The following LRRIQ4 variants were observed in gnomAD, a reference collection of about 807,000 sequenced individuals.
LRRIQ4 encodes leucine-rich repeat and IQ domain-containing protein 4.
LRRIQ4 carries 21 observed loss-of-function variants against 40.1 expected under a neutral mutation model. That is an observed-to-expected ratio of 0.52 (90% CI 0.37 to 0.75). The LOEUF (loss-of-function observed/expected upper bound fraction) is 0.75. Among genes scored for constraint, LRRIQ4 ranks in the 30% least tolerant of loss-of-function variants. The probability of loss-of-function intolerance (pLI) is 0.00; values close to 1 mark genes in which losing one functional copy is unlikely to be tolerated. For synonymous variants in LRRIQ4, 277 were observed against 277.1 expected, an observed-to-expected ratio of 1.00 and a Z score of 0.00; for missense variants, 655 against 660.0, an observed-to-expected ratio of 0.99 and a Z score of 0.08.
At position 169,821,427 on chromosome 3, in the gene LRRIQ4, T is replaced by C. The variant is rs146215915; in HGVS notation, c.-31-464T>C. Among the ~76,000 whole-genome samples the C allele has an allele frequency of 6.9e-3, 1,052 of 151,428 alleles. 7 individuals are homozygous for C. The highest frequency in any genetic ancestry group is 0.02 in the Middle Eastern group (6 of 294). ...AGGCGGGTGGACCTGAGGTCGGGAG[T>C]TTGAGACCAGCCTGGCCAACATGGT... On this transcript the variant is annotated intron_variant, in intron 1 of 5. Transcript: ENST00000340806.
chr3:169,813,492 G>A (rs1228229564), intron 1 of LRRIQ4, among the ~76,000 whole-genome samples: 1 of 152,170 alleles, frequency 6.6e-6, no homozygotes, highest in Non-Finnish European at 1.5e-5. Flanking sequence ...GCATGCGATG[G>A]TGAGGCAGGA....
chr3:169,813,238 A>T (rs1779672022), intron 1 of LRRIQ4, among the ~76,000 whole-genome samples, 192 bp downstream of exon 1: 1 of 152,238 alleles, frequency 6.6e-6, no homozygotes, highest in South Asian at 2.1e-4. Context: ...GATCAGTCTC[A>T]AATCTGTCTC....
intron 5 of LRRIQ4, among the ~76,000 whole-genome samples, chr3:169,834,108 TC>T (rs1185463208): frequency 6.6e-6 from 1 of 152,216 alleles, no homozygotes; most frequent in Non-Finnish European, 1.5e-5. Context: ...TCGCCTGTAA[TC>T]CCAGCACTTT....
intron 2 of LRRIQ4, among the ~76,000 whole-genome samples, chr3:169,825,127 C>T (rs1334834681): frequency 1.3e-5 from 2 of 151,688 alleles, no homozygotes; most frequent in African/African-American, 4.9e-5. Flanking sequence ...CCTTCCTCAG[C>T]CTCCCGAGTA....
intron 3 of LRRIQ4, 113 bp from the exon 4 acceptor site, chr3:169,830,377 GAA>G (rs56795981): frequency 0.013 from 1,387 of 105,744 alleles, no homozygotes; most frequent in Admixed American, 0.02. Context: ...CACTGAAAGT[GAA>G]AAAAAAAAAA....
chr3:169,816,674 C>CTTTTTTT lies in LRRIQ4; in HGVS notation c.-32+3638_-32+3644dup, dbSNP rs34890404. ...GATTTTTGTGATTTCTTTTCTTCTA[C>CTTTTTTT]TTTTTTTTTTTTTTTTGACAGAGTT... On this transcript the variant is annotated intron_variant, in intron 1 of 5. Coordinates refer to ENST00000340806, the MANE Select transcript of LRRIQ4 (RefSeq NM_001080460.3). Among the ~76,000 whole-genome samples, 890 of 135,934 alleles carry CTTTTTTT rather than the reference C, an allele frequency of 6.5e-3. 15 individuals are homozygous for CTTTTTTT. Among genetic ancestry groups the CTTTTTTT allele is most frequent in the African/African-American group, 0.023 (848 of 36,620 alleles). The allele number at this position is 135,934 out of a possible 152,430, so 89.2% of individuals were successfully genotyped here.
rs1779936848 is a variant in LRRIQ4 at position 169,822,687 on chromosome 3, C to A, written c.766C>A (p.Leu256Ile). 6.2e-7 allele frequency: 1 copy of A among 1,613,858 alleles called. No individual in the cohort carries two copies. Among genetic ancestry groups the A allele is most frequent in the African/African-American group, 1.3e-5 (1 of 74,936 alleles). Residue 256 changes from leucine (L) to isoleucine (I), a missense_variant, in exon 2 of 6, where the codon CTC becomes ATC. Physicochemically the swap from Leu to Ile is conservative, Grantham distance 5. Coordinates refer to ENST00000340806, the MANE Select transcript of LRRIQ4 (RefSeq NM_001080460.3). Reference sequence around the variant, plus strand: ...CTCCATCCCGAAGAGCTTCGCCGAGCTCAGGAAGATGACGGAAATCGGGCT... The same window carrying A: ...CTCCATCCCGAAGAGCTTCGCCGAGATCAGGAAGATGACGGAAATCGGGCT... ...LHSIPKSFAE[L>I]RKMTEIGLSG...
chr3:169,836,607 T>C (rs1300948947), intron 5 of LRRIQ4, among the ~76,000 whole-genome samples: 2 of 152,154 alleles, frequency 1.3e-5, no homozygotes, highest in Admixed American at 1.3e-4. Context: ...TCTAATCATC[T>C]CCTCAAAGCC....
intron 1 of LRRIQ4, among the ~76,000 whole-genome samples, chr3:169,821,030 A>T (rs186079802): frequency 6.6e-6 from 1 of 152,186 alleles, no homozygotes; most frequent in Non-Finnish European, 1.5e-5. Flanking sequence ...GCCTGTGCCT[A>T]TTAAAGGGTT....
chr3:169,814,373 T>TTCTGCTCC (rs373352102), intron 1 of LRRIQ4, among the ~76,000 whole-genome samples: 1 of 152,242 alleles, frequency 6.6e-6, no homozygotes. Flanking sequence ...CGGTGTGCTC[T>TTCTGCTCC]TCTGCTCCTC....
chr3:169,837,608 C>G lies in LRRIQ4; in HGVS notation c.1660C>G (p.Pro554Ala). The G allele has an allele frequency of 6.3e-7, 1 of 1,582,430 alleles. No individual in the cohort carries two copies. The highest frequency in any genetic ancestry group is 1.2e-5 in the South Asian group (1 of 84,752). ...AGGAAAGAAGGATGTAAAAGGAAAA[C>G]CAGGAAAGGGAAAAAAGAAATAATC... The part of the protein sequence containing the change: ...KKGKKDVKGK[P>A]GKGKKK Residue 554 changes from proline (P) to alanine (A), a missense_variant, in exon 6 of 6, where the codon CCA becomes GCA. Physicochemically the swap from Pro to Ala is conservative, Grantham distance 27. Coordinates refer to ENST00000340806, the MANE Select transcript of LRRIQ4 (RefSeq NM_001080460.3).
chr3:169,821,409 T>G (rs1576761275), intron 1 of LRRIQ4, among the ~76,000 whole-genome samples: 1 of 151,936 alleles, frequency 6.6e-6, no homozygotes, highest in African/African-American at 2.4e-5. Context: ...CCAAGGCGGG[T>G]GGACCTGAGG....
At chr3:169,831,258 A>ATTTTT (rs1435211345) in intron 4 of LRRIQ4, among the ~76,000 whole-genome samples, 1 of 52,228 alleles carries the variant, frequency 1.9e-5, no homozygotes, top group African/African-American at 7.7e-5. Context: ...AACTATGGCT[A>ATTTTT]TTCTTTTTTT....
Position 169,828,665 on chromosome 3 carries a change from T to G in LRRIQ4, c.1021-94T>G, listed in dbSNP as rs552325240. 363 of 1,112,564 alleles carry G rather than the reference T, an allele frequency of 3.3e-4. 1 individual carries two copies. The East Asian group carries it at 7.9e-3, about 24-fold the overall frequency. The allele number at this position is 1,112,564 out of a possible 1,614,324, so 68.9% of individuals were successfully genotyped here. ...GTAGGAGAGGCTAAGTTACTCCACT[T>G]GTTTAGCAGTCTGCCTCAAAACCAG... is the stretch of plus-strand genomic sequence containing the variant. On this transcript the variant is annotated intron_variant, in intron 2 of 5. Transcript: ENST00000340806.
Position 169,828,914 on chromosome 3 carries a change from A to G in LRRIQ4, c.1176A>G (p.Glu392=). 1 of 1,610,962 alleles carries G rather than the reference A, an allele frequency of 6.2e-7. No homozygotes were observed. The highest frequency in any genetic ancestry group is 8.5e-7 in the Non-Finnish European group (1 of 1,179,200). ...GATTCAAACTTACCTATGTGCCAGAACACATTAGGAAACTGCAGGTAAGCC... is the reference window on the plus strand; with the variant it reads ...GATTCAAACTTACCTATGTGCCAGAGCACATTAGGAAACTGCAGGTAAGCC... The part of the protein sequence containing the change: ...DQGFKLTYVP[E]HIRKLQSLKE... The change falls in exon 3 of 6, where the codon GAA becomes GAG. Residue 392 remains glutamate (E), a synonymous_variant. Transcript: ENST00000340806.
intron 1 of LRRIQ4, among the ~76,000 whole-genome samples, chr3:169,815,450 T>C (rs1426918933): frequency 3.9e-5 from 6 of 152,224 alleles, no homozygotes; most frequent in Non-Finnish European, 7.3e-5. Context: ...TTGCTGTTGG[T>C]ATATAAAAAT....
In LRRIQ4 at chr3:169,832,971, G is replaced by C. The variant is rs12486767; in HGVS notation, c.1334-16G>C. 6.2e-7 allele frequency: 1 copy of C among 1,605,124 alleles called. No homozygotes were observed. Among genetic ancestry groups the C allele is most frequent in the Admixed American group, 1.7e-5 (1 of 58,472 alleles). ...TCTTCTAAGATTGAACCACCATTACGAAAAAATCTTTTCAGCTTTGAAAGA... is the reference window on the plus strand; with the variant it reads ...TCTTCTAAGATTGAACCACCATTACCAAAAAATCTTTTCAGCTTTGAAAGA... On this transcript the variant is annotated splice_polypyrimidine_tract_variant and intron_variant, in intron 4 of 5. Coordinates refer to ENST00000340806, the MANE Select transcript of LRRIQ4 (RefSeq NM_001080460.3).
At chr3:169,825,324 T>G (rs534691737) in intron 2 of LRRIQ4, among the ~76,000 whole-genome samples, 1 of 152,346 alleles carries the variant, frequency 6.6e-6, no homozygotes, top group South Asian at 2.1e-4. Context: ...AATCTTTTAT[T>G]TGATTTTTTA....
Position 169,837,476 on chromosome 3 carries a change from C to T in LRRIQ4, c.1531-3C>T. The T allele has an allele frequency of 2.5e-6, 4 of 1,600,194 alleles. No homozygotes were observed. The highest frequency in any genetic ancestry group is 3.4e-6 in the Non-Finnish European group (4 of 1,176,196). On this transcript the variant is annotated splice_polypyrimidine_tract_variant and splice_region_variant and intron_variant, in intron 5 of 5. Coordinates refer to ENST00000340806, the MANE Select transcript of LRRIQ4 (RefSeq NM_001080460.3). ...GCTGAATTTGGGTTTATCTTGTTTT[C>T]AGATTCAGGCATGGTGGCGTGGAAC...
Sources: allele counts gnomAD v4.1 joint callset (sites outside exome capture counted in the v4.1 genomes callset), GRCh38; gene constraint gnomAD v4.1.1; transcripts MANE v1.5; gene names NCBI Gene and HGNC (gene_info 2026-07-23, HGNC 2026-07-21).